Variants in ITPR1 observed in about 807,000 individuals in gnomAD.
ITPR1 encodes the protein inositol 1,4,5-trisphosphate receptor type 1.
A neutral mutation model predicts 318.4 loss-of-function variants in ITPR1; 96 were observed. The ratio of observed to expected loss-of-function variants is 0.30; its 90% CI spans 0.26 to 0.36. The LOEUF is 0.36. Ranked by LOEUF, ITPR1 falls within the 10% of genes least tolerant of loss-of-function variation. ITPR1 has a pLI of 1.00. For missense variants in ITPR1, 2,440 were observed against 3,460.2 expected (o/e 0.71, Z 7.40); for synonymous variants, 1,312 against 1,289.9 (o/e 1.02, Z -0.37).
At chr3:4,572,665 A>G (rs1403999391) in intron 4 of ITPR1, among the ~76,000 whole-genome samples, 2 of 152,214 alleles carry the variant, frequency 1.3e-5, no homozygotes, top group South Asian at 2.1e-4. Flanking sequence ...GCATATTCAC[A>G]TTGCTGGGAG....
intron 4 of ITPR1, among the ~76,000 whole-genome samples, chr3:4,603,802 G>A (rs4685777): frequency 0.8 from 122,410 of 152,168 alleles, 49,987 homozygotes; most frequent in Admixed American, 0.88. Context: ...TGTGATGAAC[G>A]TACGAGTGCG....
At chr3:4,501,919 G>C (rs2081051946) in intron 2 of ITPR1, among the ~76,000 whole-genome samples, 1 of 152,144 alleles carries the variant, frequency 6.6e-6, no homozygotes, top group African/African-American at 2.4e-5. Flanking sequence ...AGAACTTCTG[G>C]ATGGCTTGAT....
chr3:4,761,407 C>G lies in ITPR1; in HGVS notation c.5545-5123C>G, dbSNP rs1373037538. ...TCAATTTGCTTAGGAAAATGACCCC[C>G]AGCTGCATCCATTTTGCTGCAGAGG... On this transcript the variant is annotated intron_variant, in intron 44 of 61. Coordinates refer to ENST00000649015, the MANE Select transcript of ITPR1 (RefSeq NM_001378452.1). Among the ~76,000 whole-genome samples the G allele has an allele frequency of 2.0e-5, 3 of 152,238 alleles. No individual in the cohort carries two copies. In the South Asian group the frequency reaches 6.2e-4, roughly 31 times the overall value.
At chr3:4,640,814 C>T (rs149149920) in intron 6 of ITPR1, among the ~76,000 whole-genome samples, 256 of 152,308 alleles carry the variant, frequency 1.7e-3, no homozygotes, top group African/African-American at 5.8e-3. Flanking sequence ...TTACTTCCCC[C>T]AGCCCTGGAT....
chr3:4,751,770 A>G (rs1325002801), intron 44 of ITPR1, among the ~76,000 whole-genome samples: 1 of 152,162 alleles, frequency 6.6e-6, no homozygotes, highest in Non-Finnish European at 1.5e-5. Context: ...CAGCAGAGTT[A>G]ACTTCATGGT....
chr3:4,598,786 G>C (rs2125078496), intron 4 of ITPR1, among the ~76,000 whole-genome samples: 1 of 152,200 alleles, frequency 6.6e-6, no homozygotes, highest in African/African-American at 2.4e-5. Flanking sequence ...TAAAAATTTG[G>C]GCTCTAAATC....
chr3:4,556,136 T>C (rs990775492), intron 4 of ITPR1, among the ~76,000 whole-genome samples: 2 of 152,194 alleles, frequency 1.3e-5, no homozygotes, highest in African/African-American at 4.8e-5. Flanking sequence ...TATTGTTAGG[T>C]TTGCAACAAC....
chr3:4,725,481 G>A (rs372498285), intron 40 of ITPR1, 65 bp from the exon 41 acceptor site: 4 of 1,343,880 alleles, frequency 3.0e-6, no homozygotes, highest in Non-Finnish European at 3.2e-6. Context: ...TTGGTCTCTG[G>A]ACTTCTCTGT....
intron 20 of ITPR1, chr3:4,671,449 T>C (rs906540366): frequency 6.6e-6 from 1 of 152,316 alleles, no homozygotes; most frequent in African/African-American, 2.4e-5. Flanking sequence ...GTACTTACAC[T>C]AATACTTCCA....
intron 44 of ITPR1, among the ~76,000 whole-genome samples, chr3:4,760,440 A>G (rs2045356756): frequency 6.6e-6 from 1 of 152,212 alleles, no homozygotes. Context: ...TTATTGTGAT[A>G]TAATTGACAT....
At chr3:4,598,084 C>T (rs530844340) in intron 4 of ITPR1, among the ~76,000 whole-genome samples, 11 of 152,310 alleles carry the variant, frequency 7.2e-5, no homozygotes, top group African/African-American at 2.6e-4. Flanking sequence ...GCCTTTAGCA[C>T]CTATGCAGGG....
intron 19 of ITPR1, among the ~76,000 whole-genome samples, chr3:4,670,193 C>T (rs2094043164): frequency 6.6e-6 from 1 of 152,084 alleles, no homozygotes; most frequent in Admixed American, 6.5e-5. Flanking sequence ...ATTTTTGTTA[C>T]CAGTAGTAAT....
At chr3:4,676,833 G>T (rs1232460333) in intron 24 of ITPR1, 32 bp downstream of exon 24, 2 of 1,553,510 alleles carry the variant, frequency 1.3e-6, no homozygotes, top group Non-Finnish European at 8.8e-7. Flanking sequence ...GGTAGGGAGG[G>T]TATGTCACAG....
Position 4,676,644 on chromosome 3 carries a change from T to C in ITPR1, c.2810T>C (p.Val937Ala). The C allele has an allele frequency of 6.2e-7, 1 of 1,613,686 alleles. No individual in the cohort carries two copies. Among genetic ancestry groups the C allele is most frequent in the Non-Finnish European group, 8.5e-7 (1 of 1,179,742 alleles). ...SSNVMRSIHG[V>A]GELMTQVVLR... ...AACGTGATGAGATCTATTCATGGCG[T>C]GGGAGAGCTGATGACCCAGGTGGTG... is the stretch of plus-strand genomic sequence containing the variant. The change falls in exon 24 of 62, where the codon GTG (valine) becomes GCG (alanine). Residue 937 changes from valine (V) to alanine (A), a missense_variant. This residue lies in a region of ITPR1 where 478 missense variants were observed against 696.3 expected (regional missense o/e 0.69). Transcript: ENST00000649015.
chr3:4,637,976 A>G (rs924525811), intron 5 of ITPR1, among the ~76,000 whole-genome samples: 3 of 152,090 alleles, frequency 2.0e-5, no homozygotes, highest in Non-Finnish European at 4.4e-5. Flanking sequence ...TCTGGCATAC[A>G]TTTTCTCTGA....
chr3:4,549,613 C>A (rs1308191503), intron 4 of ITPR1, among the ~76,000 whole-genome samples: 1 of 151,896 alleles, frequency 6.6e-6, no homozygotes, highest in East Asian at 1.9e-4. Flanking sequence ...GAATTTTTTC[C>A]CAAGTGCCTT....
intron 60 of ITPR1, among the ~76,000 whole-genome samples, chr3:4,833,847 ACT>A (rs944845075): frequency 2.6e-5 from 4 of 152,000 alleles, no homozygotes; most frequent in Non-Finnish European, 5.9e-5. Context: ...CTTGGACACT[ACT>A]CTCTCTACCG....
At chr3:4,622,216 A>T (rs1427578999) in intron 4 of ITPR1, among the ~76,000 whole-genome samples, 1 of 145,972 alleles carries the variant, frequency 6.9e-6, no homozygotes, top group African/African-American at 2.6e-5. Flanking sequence ...CTGGGTTCAA[A>T]CGATTCTCCT....
chr3:4,609,370 G>T (rs1012797552), intron 4 of ITPR1, among the ~76,000 whole-genome samples: 1 of 151,862 alleles, frequency 6.6e-6, no homozygotes, highest in Admixed American at 6.6e-5. Context: ...AGGAAACATA[G>T]GTCATGAAAT....
Sources: gnomAD v4.1 joint callset for allele counts (sites outside exome capture counted in the v4.1 genomes callset) on GRCh38, gnomAD v4.1.1 for gene constraint, gnomAD v4.1.1 regional missense constraint, MANE v1.5 for transcripts, NCBI Gene and HGNC (gene_info 2026-07-23, HGNC 2026-07-21) for gene names.